Variants in FRAS1 observed in about 807,000 individuals in gnomAD.
The protein encoded by FRAS1 is Fraser extracellular matrix complex subunit 1.
A neutral mutation model predicts 435.2 loss-of-function variants in FRAS1; 290 were observed. The ratio of observed to expected loss-of-function variants is 0.67; its 90% confidence interval spans 0.61 to 0.73. The LOEUF (loss-of-function observed/expected upper bound fraction) is 0.73, where lower values mean the gene tolerates loss of function less well. FRAS1 is among the 30% of genes least tolerant of loss of function. FRAS1 has a pLI of 0.00. For missense variants in FRAS1, 4,860 were observed against 5,001.5 expected, an observed-to-expected ratio of 0.97 and a Z score of 0.85; for synonymous variants, 1,800 against 1,851.0, an observed-to-expected ratio of 0.97 and a Z score of 0.71.
At chr4:78,278,800 A>T in intron 10 of FRAS1, 56 bp downstream of exon 10, 1 of 990,478 alleles carries the variant, frequency 1.0e-6, no homozygotes, top group Non-Finnish European at 1.6e-6. Flanking sequence ...AATTAATCTA[A>T]TGAGGGAACA....
intron 9 of FRAS1, 24 bp from the exon 10 acceptor site, chr4:78,278,631 C>T (rs1159988944): frequency 3.8e-6 from 5 of 1,318,798 alleles, no homozygotes; most frequent in Middle Eastern, 1.8e-4. Context: ...TTGATATGTG[C>T]CACTGCAACC....
chr4:78,192,776 G>T (rs1371617873), intron 2 of FRAS1, among the ~76,000 whole-genome samples: 1 of 152,094 alleles, frequency 6.6e-6, no homozygotes, highest in Non-Finnish European at 1.5e-5. Flanking sequence ...ATTTCCTTCA[G>T]TTCTGCTACG....
chr4:78,445,926 A>G, intron 42 of FRAS1: 2 of 1,320,324 alleles, frequency 1.5e-6, no homozygotes, highest in Non-Finnish European at 1.9e-6. Context: ...CCATTTCAGG[A>G]TTGAATTTAT....
intron 73 of FRAS1, 69 bp downstream of exon 73, chr4:78,539,509 A>T: frequency 8.5e-7 from 1 of 1,177,618 alleles, no homozygotes; most frequent in Non-Finnish European, 1.2e-6. Flanking sequence ...AAAAAAAAAA[A>T]GAAGGAGGAC....
intron 59 of FRAS1, among the ~76,000 whole-genome samples, chr4:78,494,581 C>T (rs1464755183): frequency 6.6e-6 from 1 of 152,160 alleles, no homozygotes; most frequent in African/African-American, 2.4e-5. Context: ...TGGCACCAAG[C>T]CATTCATGAG....
At chr4:78,534,777 G>A (rs1721830071) in intron 71 of FRAS1, among the ~76,000 whole-genome samples, 162 bp downstream of exon 71, 1 of 152,172 alleles carries the variant, frequency 6.6e-6, no homozygotes, top group Non-Finnish European at 1.5e-5. Flanking sequence ...TCTAGGTACA[G>A]GCCCATTTCA....
At chr4:78,285,913 C>A (rs1340838964) in intron 13 of FRAS1, among the ~76,000 whole-genome samples, 2 of 152,234 alleles carry the variant, frequency 1.3e-5, no homozygotes, top group Non-Finnish European at 2.9e-5. Flanking sequence ...TCCATACTTT[C>A]TTTCCTAATT....
chr4:78,251,419 A>C (rs1725525230), intron 4 of FRAS1, among the ~76,000 whole-genome samples: 1 of 152,254 alleles, frequency 6.6e-6, no homozygotes, highest in South Asian at 2.1e-4. Context: ...AAATATAGTC[A>C]AGGTGTACAA....
intron 3 of FRAS1, among the ~76,000 whole-genome samples, chr4:78,244,457 T>C (rs1042761609): frequency 6.6e-6 from 1 of 152,096 alleles, no homozygotes; most frequent in African/African-American, 2.4e-5. Flanking sequence ...GCAGCATGAG[T>C]AGGAAGATCT....
chr4:78,130,666 T>C lies in FRAS1; in HGVS notation c.108+64650T>C, dbSNP rs575025065. On this transcript the variant is annotated intron_variant, in intron 2 of 73. Coordinates refer to ENST00000512123, the MANE Select transcript of FRAS1 (RefSeq NM_025074.7). ...CTACCCCAATCCAGGCACTAAGGATTTGGGGACAGACTTGGCCCTATCCTC... is the reference window on the plus strand; with the variant it reads ...CTACCCCAATCCAGGCACTAAGGATCTGGGGACAGACTTGGCCCTATCCTC... Among the ~76,000 whole-genome samples, 8 of 152,264 alleles carry C rather than the reference T, an allele frequency of 5.3e-5. No homozygotes were observed. In the South Asian group the frequency reaches 1.0e-3, roughly 20 times the overall value.
At chr4:78,285,678 C>T (rs1727555431) in intron 13 of FRAS1, among the ~76,000 whole-genome samples, 1 of 152,024 alleles carries the variant, frequency 6.6e-6, no homozygotes, top group Non-Finnish European at 1.5e-5. Context: ...GTGATCCACC[C>T]ACCTATGCCT....
intron 2 of FRAS1, among the ~76,000 whole-genome samples, chr4:78,140,955 A>G (rs1720156415): frequency 6.6e-6 from 1 of 152,224 alleles, no homozygotes; most frequent in Middle Eastern, 3.4e-3. Context: ...ACAAGTCAGA[A>G]CCAATGATAA....
At chr4:78,461,065 C>T (rs1719356331) in intron 47 of FRAS1, among the ~76,000 whole-genome samples, 1 of 152,180 alleles carries the variant, frequency 6.6e-6, no homozygotes, top group Admixed American at 6.5e-5. Context: ...TGCCCCTGCA[C>T]ATATTTATGG....
chr4:78,150,891 T>C (rs1273634921), intron 2 of FRAS1, among the ~76,000 whole-genome samples: 1 of 152,242 alleles, frequency 6.6e-6, no homozygotes, highest in Non-Finnish European at 1.5e-5. Flanking sequence ...TTAAACATTG[T>C]TGATCTTGGG....
intron 9 of FRAS1, among the ~76,000 whole-genome samples, chr4:78,274,327 T>C (rs1021626646): frequency 6.6e-6 from 1 of 152,212 alleles, no homozygotes; most frequent in Non-Finnish European, 1.5e-5. Context: ...AGTTCTGCTG[T>C]GATCTTAGTT....
At chr4:78,313,723 A>G (rs1729127432) in intron 15 of FRAS1, among the ~76,000 whole-genome samples, 1 of 140,470 alleles carries the variant, frequency 7.1e-6, no homozygotes, top group Non-Finnish European at 1.5e-5. Context: ...TTTTCTTTTT[A>G]AAAATTCTTT....
At chr4:78,149,156 G>A (rs951791176) in intron 2 of FRAS1, among the ~76,000 whole-genome samples, 2 of 152,136 alleles carry the variant, frequency 1.3e-5, no homozygotes, top group African/African-American at 4.8e-5. Context: ...CCTGGAAATG[G>A]CAGAGCTGGG....
chr4:78,405,533 A>G (rs1266427904), intron 30 of FRAS1, among the ~76,000 whole-genome samples: 1 of 152,232 alleles, frequency 6.6e-6, no homozygotes, highest in Non-Finnish European at 1.5e-5. Flanking sequence ...TTTCATTACC[A>G]TCCAGAATAT....
At chr4:78,222,013 C>T (rs1483435617) in intron 2 of FRAS1, among the ~76,000 whole-genome samples, 1 of 152,148 alleles carries the variant, frequency 6.6e-6, no homozygotes, top group Non-Finnish European at 1.5e-5. Context: ...CAGTGGGTGT[C>T]ATTAGCCTCG....
Sources: allele counts gnomAD v4.1 joint callset (sites outside exome capture counted in the v4.1 genomes callset), GRCh38; gene constraint gnomAD v4.1.1; transcripts MANE v1.5; gene names NCBI Gene and HGNC (gene_info 2026-07-23, HGNC 2026-07-21).